Variants in DPH6 observed in about 807,000 individuals in gnomAD.
The protein encoded by DPH6 is diphthamine biosynthesis 6.
A neutral mutation model predicts 38.2 loss-of-function variants in DPH6; 33 were observed. The ratio of observed to expected loss-of-function variants is 0.86; its 90% CI spans 0.65 to 1.15. DPH6 has a LOEUF of 1.15. DPH6 is among the 50% of genes most tolerant of loss of function. The probability of loss-of-function intolerance (pLI) is 0.00; values close to 1 mark genes in which losing one functional copy is unlikely to be tolerated. For missense variants in DPH6, 325 were observed against 320.0 expected (o/e 1.02, Z -0.12); for synonymous variants, 108 against 103.0 (o/e 1.05, Z -0.30).
chr15:35,381,702 T>C, intron 7 of DPH6, 120 bp downstream of exon 7: 1 of 745,846 alleles, frequency 1.3e-6, no homozygotes, highest in South Asian at 1.6e-5. Context: ...AATTGAGTGT[T>C]TGTGAACTTA....
intron 3 of DPH6, chr15:35,282,990 A>ATCG: frequency 8.5e-6 from 2 of 234,216 alleles, no homozygotes; most frequent in Non-Finnish European, 1.7e-5. Flanking sequence ...TCTCCTGAAT[A>ATCG]TCATCATCAT....
chr15:35,441,901 T>C (rs959922962), intron 5 of DPH6, among the ~76,000 whole-genome samples: 1 of 151,926 alleles, frequency 6.6e-6, no homozygotes, highest in African/African-American at 2.4e-5. Context: ...AAATCACATA[T>C]CTAAATGTAA....
intron 7 of DPH6, among the ~76,000 whole-genome samples, chr15:35,376,902 T>C (rs1352156632): frequency 6.6e-6 from 1 of 152,144 alleles, no homozygotes; most frequent in Non-Finnish European, 1.5e-5. Context: ...CAAAATTGCC[T>C]AACAATGCAT....
intron 3 of DPH6, among the ~76,000 whole-genome samples, chr15:35,257,134 G>A (rs2051713900): frequency 6.6e-6 from 1 of 152,068 alleles, no homozygotes; most frequent in Non-Finnish European, 1.5e-5. Context: ...GACATGGGCA[G>A]GCATCACCAT....
At chr15:35,521,735 G>T in intron 3 of DPH6, 1 of 1,231,980 alleles carries the variant, frequency 8.1e-7, no homozygotes, top group Non-Finnish European at 1.0e-6. Context: ...TTTATGCAAA[G>T]CTTGATTGTG....
At chr15:35,488,441 T>G (rs557628951) in intron 3 of DPH6, among the ~76,000 whole-genome samples, 4 of 152,152 alleles carry the variant, frequency 2.6e-5, no homozygotes, top group Non-Finnish European at 5.9e-5. Context: ...TCTCAAAACT[T>G]AGAATCACAG....
At chr15:35,485,349 C>G (rs2054383073) in intron 3 of DPH6, among the ~76,000 whole-genome samples, 1 of 152,170 alleles carries the variant, frequency 6.6e-6, no homozygotes, top group Non-Finnish European at 1.5e-5. Flanking sequence ...TAAATCATTA[C>G]TACACAAATT....
chr15:35,314,227 G>A (rs1052235275), intron 3 of DPH6, among the ~76,000 whole-genome samples: 4 of 152,048 alleles, frequency 2.6e-5, no homozygotes, highest in African/African-American at 9.7e-5. Context: ...AATGTAAGTT[G>A]GTGCAAAAGT....
intron 3 of DPH6, among the ~76,000 whole-genome samples, chr15:35,472,252 G>C (rs1289706156): frequency 1.3e-5 from 2 of 152,116 alleles, no homozygotes; most frequent in Admixed American, 1.3e-4. Context: ...AACCAAAGAG[G>C]GACAGTGAAG....
At chr15:35,471,268 C>T (rs1305119513) in intron 3 of DPH6, among the ~76,000 whole-genome samples, 1 of 152,178 alleles carries the variant, frequency 6.6e-6, no homozygotes, top group Non-Finnish European at 1.5e-5. Context: ...AGACTCTCTC[C>T]ACTCTCTCTG....
chr15:35,320,654 C>T (rs905180177), intron 3 of DPH6, among the ~76,000 whole-genome samples: 3 of 152,150 alleles, frequency 2.0e-5, no homozygotes, highest in Non-Finnish European at 2.9e-5. Flanking sequence ...TGGTTCCTTT[C>T]GTTTTGCAGA....
chr15:35,498,322 G>A (rs1036235234), intron 3 of DPH6, among the ~76,000 whole-genome samples: 7 of 151,998 alleles, frequency 4.6e-5, no homozygotes, highest in Non-Finnish European at 1.0e-4. Flanking sequence ...AGCTTATACT[G>A]GTACTAGTTC....
At chr15:35,543,630 C>T (rs1163013421) in intron 1 of DPH6, among the ~76,000 whole-genome samples, 1 of 152,162 alleles carries the variant, frequency 6.6e-6, no homozygotes, top group African/African-American at 2.4e-5. Flanking sequence ...ACCTCAGAAA[C>T]TGGCCTTGTT....
At chr15:35,158,604 A>G in the DPH6 span, among the ~76,000 whole-genome samples, 1 of 152,094 alleles carries the variant, frequency 6.6e-6, no homozygotes, top group South Asian at 2.1e-4. Flanking sequence ...AGAGTTCTCA[A>G]CTTGAATTAA....
At chr15:35,310,816 G>A (rs569755885) in intron 3 of DPH6, among the ~76,000 whole-genome samples, 17 of 151,842 alleles carry the variant, frequency 1.1e-4, no homozygotes, top group East Asian at 3.9e-4. Context: ...TTGGGAGGTC[G>A]AGGTTGGTGG....
At chr15:35,388,354 C>T (rs2053002104) in intron 6 of DPH6, among the ~76,000 whole-genome samples, 1 of 152,160 alleles carries the variant, frequency 6.6e-6, no homozygotes, top group South Asian at 2.1e-4. Flanking sequence ...ATGGTGGCCT[C>T]ATAAAATGAG....
intron 3 of DPH6, among the ~76,000 whole-genome samples, chr15:35,508,558 T>TA (rs1386671196): frequency 6.6e-6 from 1 of 152,170 alleles, no homozygotes; most frequent in African/African-American, 2.4e-5. Flanking sequence ...AAGTTTTTTT[T>TA]ATATCATAAA....
the DPH6 span, among the ~76,000 whole-genome samples, chr15:35,181,412 C>T: frequency 1.2e-4 from 12 of 97,790 alleles, no homozygotes; most frequent in South Asian, 3.9e-4. Context: ...AGCAGCCATC[C>T]TCCCTGTGTT....
chr15:35,282,865 GA>G lies in DPH6; in HGVS notation n.201-62284del. On this transcript the variant is annotated intron_variant and non_coding_transcript_variant, in intron 3 of 3. Coordinates refer to the DPH6 transcript ENST00000560386. ...CCTGGTTGTGGGCCAGCTTAAGGTGGATGAAGACCCCATCGGGGGGTTCCAC... is the reference window on the plus strand; with the variant it reads ...CCTGGTTGTGGGCCAGCTTAAGGTGGTGAAGACCCCATCGGGGGGTTCCAC... 8.8e-6 allele frequency: 3 copies of G among 339,438 alleles called. No homozygotes were observed. In the South Asian group the frequency reaches 9.4e-5, roughly 11 times the overall value. 21.0% of individuals were successfully genotyped at this position (339,438 alleles called of 1,614,324 possible). A position where few individuals can be genotyped will look rare whatever the true frequency, so the allele number is the denominator to read the frequency against.
Sources: gnomAD v4.1 joint callset for allele counts (sites outside exome capture counted in the v4.1 genomes callset) on GRCh38, gnomAD v4.1.1 for gene constraint, MANE v1.5 for transcripts, NCBI Gene and HGNC (gene_info 2026-07-23, HGNC 2026-07-21) for gene names.